Variants in JPH3 observed in about 807,000 individuals in gnomAD.
JPH3 encodes junctophilin-3.
In JPH3, 11 loss-of-function variants were observed where a neutral mutation model predicts 59.6. The observed-to-expected ratio is 0.18, with a 90% CI of 0.12 to 0.31. The LOEUF (loss-of-function observed/expected upper bound fraction) is 0.31, where lower values mean the gene tolerates loss of function less well. JPH3 is among the 10% of genes least tolerant of loss of function. The pLI is 1.00. For synonymous variants in JPH3, 673 were observed against 483.6 expected (o/e 1.39, Z -5.14); for missense variants, 1,202 against 1,105.7 (o/e 1.09, Z -1.24).
At chr16:87,643,327 A>G (rs1186491407) in intron 1 of JPH3, among the ~76,000 whole-genome samples, 1 of 152,184 alleles carries the variant, frequency 6.6e-6, no homozygotes, top group Non-Finnish European at 1.5e-5. Flanking sequence ...CTTTCCAGCC[A>G]TGGAAACAGT....
At chr16:87,648,967 G>A (rs527457210) in intron 2 of JPH3, among the ~76,000 whole-genome samples, 1 of 152,318 alleles carries the variant, frequency 6.6e-6, no homozygotes, top group South Asian at 2.1e-4. Flanking sequence ...GGGTGCTGCC[G>A]CCGGGAGGCC....
intron 2 of JPH3, among the ~76,000 whole-genome samples, chr16:87,651,587 T>C (rs2032325629): frequency 1.3e-5 from 2 of 152,316 alleles, no homozygotes; most frequent in South Asian, 4.1e-4. Flanking sequence ...GGCTCAAGAC[T>C]TCAGTGGAGG....
chr16:87,606,392 A>T (rs532007033), intron 1 of JPH3, among the ~76,000 whole-genome samples: 1 of 152,168 alleles, frequency 6.6e-6, no homozygotes, highest in Non-Finnish European at 1.5e-5. Flanking sequence ...AGCTGGGGAC[A>T]CCTGTGCCAA....
At chr16:87,677,183 TATACACAC>T (rs765669329) in intron 2 of JPH3, among the ~76,000 whole-genome samples, 60 of 75,904 alleles carry the variant, frequency 7.9e-4, no homozygotes, top group African/African-American at 2.6e-3. Flanking sequence ...ACTATATATA[TATACACAC>T]ACACACACAC....
chr16:87,667,523 C>A (rs568417141), intron 2 of JPH3, among the ~76,000 whole-genome samples: 3 of 152,304 alleles, frequency 2.0e-5, no homozygotes, highest in Non-Finnish European at 2.9e-5. Context: ...CGTGAGGACC[C>A]TTTATCTGGT....
chr16:87,669,123 G>T (rs1265192825), intron 2 of JPH3, among the ~76,000 whole-genome samples: 1 of 152,196 alleles, frequency 6.6e-6, no homozygotes, highest in Admixed American at 6.5e-5. Flanking sequence ...CACCACTTTG[G>T]ATCCTGGGTC....
intron 1 of JPH3, among the ~76,000 whole-genome samples, chr16:87,638,258 C>T (rs960172300): frequency 4.6e-5 from 7 of 152,190 alleles, no homozygotes; most frequent in Non-Finnish European, 7.3e-5. Flanking sequence ...TGGGGTCTCA[C>T]TATGTTGCCC....
chr16:87,626,352 C>T (rs986476381), intron 1 of JPH3, among the ~76,000 whole-genome samples: 7 of 152,204 alleles, frequency 4.6e-5, no homozygotes, highest in Middle Eastern at 3.2e-3. Flanking sequence ...AGCCTGAGCA[C>T]ACAACTCCCA....
chr16:87,691,053 G>A (rs559907337), intron 4 of JPH3, among the ~76,000 whole-genome samples: 3 of 151,506 alleles, frequency 2.0e-5, no homozygotes, highest in African/African-American at 7.3e-5. Flanking sequence ...CGTGAGGCCC[G>A]CTGTGTGCAA....
intron 1 of JPH3, among the ~76,000 whole-genome samples, chr16:87,635,811 C>T (rs2031722204): frequency 6.6e-6 from 1 of 152,168 alleles, no homozygotes; most frequent in African/African-American, 2.4e-5. Flanking sequence ...AGTGTTTGGG[C>T]CATCGGTGGG....
At position 87,684,233 on chromosome 16, in the gene JPH3, G is replaced by A. The variant is rs1365587692; in HGVS notation, c.1252G>A (p.Glu418Lys). ...GCGGATCGCCAGGATCACTGCCAAAGAGTTCTCCCCTTCCTTCCAGCACCG... is the reference window on the plus strand; with the variant it reads ...GCGGATCGCCAGGATCACTGCCAAAAAGTTCTCCCCTTCCTTCCAGCACCG... ...EARIARITAK[E>K]FSPSFQHREN... Residue 418 changes from glutamate (E) to lysine (K), a missense_variant, in exon 3 of 5, where the codon GAG becomes AAG. Coordinates refer to ENST00000284262, the MANE Select transcript of JPH3 (RefSeq NM_020655.4). 1 of 1,614,022 alleles carries A rather than the reference G, an allele frequency of 6.2e-7. No individual in the cohort carries two copies. The highest frequency in any genetic ancestry group is 8.5e-7 in the Non-Finnish European group (1 of 1,180,024).
chr16:87,619,833 G>A (rs980405030), intron 1 of JPH3, among the ~76,000 whole-genome samples: 2 of 152,160 alleles, frequency 1.3e-5, no homozygotes, highest in African/African-American at 4.8e-5. Context: ...AGCTTCCTGC[G>A]GGGCACGGAT....
rs879635890 is a variant in JPH3 at position 87,678,543 on chromosome 16, A to G, written c.1161-5599A>G. Among the ~76,000 whole-genome samples the G allele has an allele frequency of 6.6e-5, 10 of 152,236 alleles. No individual in the cohort carries two copies. In the South Asian group the frequency reaches 8.3e-4, roughly 13 times the overall value. On this transcript the variant is annotated intron_variant, in intron 2 of 4. Coordinates refer to ENST00000284262, the MANE Select transcript of JPH3 (RefSeq NM_020655.4). ...AGCAGAGCCAGACTCCATCACACAC[A>G]CACACACAATATATATATATGTGTG...
chr16:87,646,948 A>C (rs1030414835), intron 2 of JPH3, among the ~76,000 whole-genome samples: 1 of 152,162 alleles, frequency 6.6e-6, no homozygotes. Flanking sequence ...AGACATTAAG[A>C]GAAGCGGGTT....
intron 1 of JPH3, among the ~76,000 whole-genome samples, chr16:87,627,426 C>T (rs1317300945): frequency 1.3e-5 from 2 of 152,218 alleles, no homozygotes; most frequent in Non-Finnish European, 2.9e-5. Flanking sequence ...CCACTGAGAC[C>T]ACCCATGGAT....
chr16:87,694,655 G>A (rs972516144), intron 4 of JPH3: 3 of 153,024 alleles, frequency 2.0e-5, no homozygotes, highest in African/African-American at 7.2e-5. Flanking sequence ...TCTTTGCGTA[G>A]CTTTACTGAG....
At chr16:87,665,236 C>T (rs1052785403) in intron 2 of JPH3, among the ~76,000 whole-genome samples, 11 of 152,186 alleles carry the variant, frequency 7.2e-5, no homozygotes, top group Admixed American at 6.5e-5. Flanking sequence ...ACCCCTGAGC[C>T]GATTGGCTGC....
rs1159601030 is a variant in JPH3 at position 87,611,956 on chromosome 16, A to G, written c.382+8428A>G. Among the ~76,000 whole-genome samples the G allele has an allele frequency of 6.6e-6, 1 of 152,074 alleles. No homozygotes were observed. Among genetic ancestry groups the G allele is most frequent in the Non-Finnish European group, 1.5e-5 (1 of 67,986 alleles). On this transcript the variant is annotated intron_variant, in intron 1 of 4. Transcript: ENST00000284262. The surrounding 1 kb of genome is among the most constrained non-coding windows in gnomAD (Gnocchi z 4.5). ...CTCCAGGGTCAGGATGTGTGTTTGG[A>G]GATGCTCAGGTGGCTGCAGTGCAGG...
intron 1 of JPH3, among the ~76,000 whole-genome samples, chr16:87,615,328 T>C (rs114326154): frequency 1.3e-5 from 2 of 152,328 alleles, no homozygotes; most frequent in African/African-American, 4.8e-5. Context: ...AGTTGGTCTT[T>C]CACCTCGCCC....
Sources: gnomAD v4.1 joint callset for allele counts (sites outside exome capture counted in the v4.1 genomes callset) on GRCh38, gnomAD v4.1.1 for gene constraint, Gnocchi (gnomAD v3.1) non-coding constraint, MANE v1.5 for transcripts, NCBI Gene and HGNC (gene_info 2026-07-23, HGNC 2026-07-21) for gene names.